Variants in SIPA1L3 observed in about 807,000 individuals in gnomAD.
The protein encoded by SIPA1L3 is signal induced proliferation associated 1 like 3.
In SIPA1L3, 59 loss-of-function variants were observed where a neutral mutation model predicts 150.1. That is an observed-to-expected ratio of 0.39 (90% CI 0.32 to 0.49). The LOEUF (loss-of-function observed/expected upper bound fraction) is 0.49. SIPA1L3 is among the 20% of genes least tolerant of loss of function. The pLI, the probability that SIPA1L3 is intolerant of heterozygous loss-of-function variation, is 0.86. For synonymous variants in SIPA1L3, 1,070 were observed against 1,077.6 expected (o/e 0.99, Z 0.14); for missense variants, 2,211 against 2,489.5 (o/e 0.89, Z 2.38).
chr19:38,098,952 T>C (rs1332957402), intron 4 of SIPA1L3, among the ~76,000 whole-genome samples: 1 of 152,190 alleles, frequency 6.6e-6, no homozygotes. Flanking sequence ...TGTCTTGTCT[T>C]GTCTTGTCCT....
At chr19:38,158,994 A>G (rs1321014317) in intron 13 of SIPA1L3, among the ~76,000 whole-genome samples, 1 of 152,226 alleles carries the variant, frequency 6.6e-6, no homozygotes, top group Non-Finnish European at 1.5e-5. Flanking sequence ...TGTGACTGCC[A>G]TGGGCTTCGC....
chr19:38,029,802 T>C (rs1460850196), intron 2 of SIPA1L3, among the ~76,000 whole-genome samples: 1 of 152,010 alleles, frequency 6.6e-6, no homozygotes, highest in African/African-American at 2.4e-5. Context: ...TTTCTCCATG[T>C]TGGTCAGGCT....
In SIPA1L3 at chr19:38,047,897, C is replaced by T. The variant is rs559230818; in HGVS notation, c.-311+18741C>T. Among the ~76,000 whole-genome samples the T allele has an allele frequency of 3.3e-5, 5 of 152,274 alleles. No individual in the cohort carries two copies. In the East Asian group the frequency reaches 9.6e-4, roughly 29 times the overall value. On this transcript the variant is annotated intron_variant, in intron 2 of 21. Transcript: ENST00000222345. This position sits in a 1 kb window ranked among gnomAD's most constrained non-coding sequence, Gnocchi z 4.7. Reference sequence around the variant, plus strand: ...CAGCTCCAGTCAGCTGGGGATTAACCCCCTGCCGTCATCAGGAGAAATACA... The same window carrying T: ...CAGCTCCAGTCAGCTGGGGATTAACTCCCTGCCGTCATCAGGAGAAATACA...
intron 15 of SIPA1L3, among the ~76,000 whole-genome samples, chr19:38,176,161 C>T (rs536744435): frequency 4.0e-5 from 6 of 151,286 alleles, no homozygotes; most frequent in Non-Finnish European, 5.9e-5. Context: ...AGGTGCACAC[C>T]GTCACACTTG....
intron 1 of SIPA1L3, among the ~76,000 whole-genome samples, chr19:37,974,049 C>A (rs1967014232): frequency 6.6e-6 from 1 of 152,140 alleles, no homozygotes; most frequent in Non-Finnish European, 1.5e-5. Flanking sequence ...TCCCCATTGT[C>A]CTGGTTGTAA....
intron 1 of SIPA1L3, among the ~76,000 whole-genome samples, chr19:37,919,903 A>G (rs1372808493): frequency 6.6e-5 from 10 of 150,792 alleles, no homozygotes; most frequent in Non-Finnish European, 1.3e-4. Context: ...AGAGATGGGG[A>G]TTCTCCATGT....
At chr19:38,123,520 G>A (rs924086596) in intron 9 of SIPA1L3, among the ~76,000 whole-genome samples, 1 of 24,886 alleles carries the variant, frequency 4.0e-5, no homozygotes, top group Non-Finnish European at 6.6e-5. Flanking sequence ...ATCTTGCACC[G>A]CCCTTAATCC....
At chr19:38,173,776 G>A (rs1424991024) in intron 15 of SIPA1L3, 1 of 152,418 alleles carries the variant, frequency 6.6e-6, no homozygotes. Flanking sequence ...CACAGCTTGG[G>A]AAGAGGAAGC....
At chr19:38,056,834 G>A (rs1195309990) in intron 2 of SIPA1L3, among the ~76,000 whole-genome samples, 2 of 152,142 alleles carry the variant, frequency 1.3e-5, no homozygotes, top group African/African-American at 4.8e-5. Flanking sequence ...GAGGCGGGTG[G>A]ATCACTTGAG....
rs186287379 is a variant in SIPA1L3 at position 38,030,665 on chromosome 19, C to T, written c.-311+1509C>T. Among the ~76,000 whole-genome samples, 239 of 105,582 alleles carry T rather than the reference C, an allele frequency of 2.3e-3. 5 individuals carry two copies. Among genetic ancestry groups the T allele is most frequent in the Admixed American group, 0.019 (225 of 11,866 alleles). The allele number at this position is 105,582 out of a possible 152,430, so 69.3% of individuals were successfully genotyped here. A position where few individuals can be genotyped will look rare whatever the true frequency, so the allele number is the denominator to read the frequency against. On this transcript the variant is annotated intron_variant, in intron 2 of 21. Transcript: ENST00000222345. Reference sequence around the variant, plus strand: ...ATATATATATATGGCAAATACTTACCTGTGCTATATAGGTTTTGAATATGT... The same window carrying T: ...ATATATATATATGGCAAATACTTACTTGTGCTATATAGGTTTTGAATATGT...
intron 18 of SIPA1L3, among the ~76,000 whole-genome samples, chr19:38,196,436 A>G (rs62123462): frequency 0.048 from 6,569 of 135,752 alleles, 294 homozygotes; most frequent in African/African-American, 0.083. Context: ...GGTCAAGGGC[A>G]GAGCAAGGAG....
At chr19:38,118,102 C>T (rs971126428) in intron 8 of SIPA1L3, among the ~76,000 whole-genome samples, 4 of 152,104 alleles carry the variant, frequency 2.6e-5, no homozygotes, top group South Asian at 2.1e-4. Flanking sequence ...TCAAAATAAC[C>T]TTTGTTAAGA....
chr19:37,938,769 C>T (rs911345337), intron 1 of SIPA1L3, among the ~76,000 whole-genome samples: 4 of 151,858 alleles, frequency 2.6e-5, no homozygotes, highest in African/African-American at 9.7e-5. Context: ...ATTGCAGGCA[C>T]CTGCCACCAC....
chr19:37,986,641 C>T (rs1435323717), intron 1 of SIPA1L3, among the ~76,000 whole-genome samples: 5 of 152,236 alleles, frequency 3.3e-5, no homozygotes, highest in African/African-American at 1.2e-4. Flanking sequence ...TCCTCCAGGG[C>T]AGCTTCTTCT....
intron 2 of SIPA1L3, among the ~76,000 whole-genome samples, chr19:38,068,040 T>TTTA (rs1969635245): frequency 7.7e-6 from 1 of 129,628 alleles, no homozygotes; most frequent in African/African-American, 2.9e-5. Flanking sequence ...TTTTTTTTTT[T>TTTA]GAGACAGAGT....
intron 15 of SIPA1L3, among the ~76,000 whole-genome samples, chr19:38,171,385 C>CTT (rs1055077464): frequency 0.022 from 1,734 of 77,790 alleles, 13 homozygotes; most frequent in Non-Finnish European, 0.029. Context: ...CCTACCAAAA[C>CTT]TTTTTTTTTT....
intron 1 of SIPA1L3, among the ~76,000 whole-genome samples, chr19:37,947,680 C>T (rs1210982006): frequency 6.6e-6 from 1 of 152,138 alleles, no homozygotes; most frequent in Non-Finnish European, 1.5e-5. Flanking sequence ...TATTCCCATT[C>T]ACAGCAAGAA....
At chr19:38,123,413 C>T (rs537264552) in intron 9 of SIPA1L3, among the ~76,000 whole-genome samples, 2 of 149,232 alleles carry the variant, frequency 1.3e-5, no homozygotes, top group South Asian at 4.3e-4. Flanking sequence ...GACCCTGCGG[C>T]CTTCCGCAGT....
intron 2 of SIPA1L3, among the ~76,000 whole-genome samples, chr19:38,068,607 C>G (rs998457548): frequency 2.0e-5 from 3 of 151,988 alleles, no homozygotes; most frequent in African/African-American, 7.3e-5. Context: ...CACCTGTAAC[C>G]CCAGCATTTT....
Sources: gnomAD v4.1 joint callset for allele counts (sites outside exome capture counted in the v4.1 genomes callset) on GRCh38, gnomAD v4.1.1 for gene constraint, Gnocchi (gnomAD v3.1) non-coding constraint, MANE v1.5 for transcripts, NCBI Gene and HGNC (gene_info 2026-07-23, HGNC 2026-07-21) for gene names.